ZNF773: variants seen among roughly 807,000 people sequenced by gnomAD.
ZNF773 encodes the protein zinc finger protein 419B.
ZNF773 carries 11 observed loss-of-function variants against 12.8 expected under a neutral mutation model. That is an observed-to-expected ratio of 0.86 (90% CI 0.54 to 1.42). The LOEUF is 1.42. Among genes scored for constraint, ZNF773 ranks in the 40% most tolerant of loss-of-function variants. The pLI, the probability that ZNF773 is intolerant of heterozygous loss-of-function variation, is 0.00. For missense variants in ZNF773, 518 were observed against 527.2 expected, an observed-to-expected ratio of 0.98 and a Z score of 0.17; for synonymous variants, 175 against 178.4, an observed-to-expected ratio of 0.98 and a Z score of 0.15.
chr19:57,511,738 T>TACAC (rs1491580065), downstream of ZNF773, among the ~76,000 whole-genome samples: 1 of 94,864 alleles, frequency 1.1e-5, no homozygotes, highest in East Asian at 2.5e-4. Flanking sequence ...CACACACACA[T>TACAC]ACACACATAC....
At chr19:57,517,391 C>T (rs1568585415), downstream of ZNF773, 1 of 152,172 alleles carries the variant, frequency 6.6e-6, no homozygotes, top group Admixed American at 6.5e-5. Context: ...TCTTATTCAG[C>T]TTACTCATCG....
chr19:57,511,937 A>G (rs1455702492), downstream of ZNF773, among the ~76,000 whole-genome samples: 1 of 152,244 alleles, frequency 6.6e-6, no homozygotes, highest in African/African-American at 2.4e-5. Context: ...GATTCCATTT[A>G]TATGAAATGA....
chr19:57,508,360 T>A, downstream of ZNF773: 2 of 457,200 alleles, frequency 4.4e-6, no homozygotes, highest in Non-Finnish European at 5.8e-6. Flanking sequence ...TTAATCTCAC[T>A]GAGTTTGGAG....
At position 57,506,679 on chromosome 19, in the gene ZNF773, A is replaced by G; in HGVS notation, c.584A>G (p.Glu195Gly). Residue 195 changes from glutamate (E) to glycine (G), a missense_variant, in exon 4 of 4, where the codon GAA (glutamate) becomes GGA (glycine). By Grantham distance (98) the Glu-to-Gly change is moderately conservative. Coordinates refer to ENST00000282292, the MANE Select transcript of ZNF773 (RefSeq NM_198542.3). Reference sequence around the variant, plus strand: ...GGAAAAAGGCATTACAAATGCAGTGAATGTGGGAAAGCCTTTGGTCAGAAA... The same window carrying G: ...GGAAAAAGGCATTACAAATGCAGTGGATGTGGGAAAGCCTTTGGTCAGAAA... The part of the protein sequence containing the change: ...HAGKRHYKCS[E>G]CGKAFGQKYL... 6.2e-7 allele frequency: 1 copy of G among 1,614,236 alleles called. No homozygotes were observed. The highest frequency in any genetic ancestry group is 8.5e-7 in the Non-Finnish European group (1 of 1,180,044).
At chr19:57,500,769 C>T (rs2089660490) in intron 1 of ZNF773, among the ~76,000 whole-genome samples, 1 of 152,076 alleles carries the variant, frequency 6.6e-6, no homozygotes, top group South Asian at 2.1e-4. Flanking sequence ...AGGTTTTGGG[C>T]ATGGTGATCC....
At chr19:57,502,010 T>C (rs947444174) in intron 1 of ZNF773, among the ~76,000 whole-genome samples, 4 of 152,154 alleles carry the variant, frequency 2.6e-5, no homozygotes, top group African/African-American at 9.7e-5. Context: ...TGGTACAATC[T>C]CGGCTCACCG....
chr19:57,512,819 A>G (rs970081029), downstream of ZNF773, among the ~76,000 whole-genome samples: 4 of 152,128 alleles, frequency 2.6e-5, no homozygotes, highest in African/African-American at 7.2e-5. Context: ...AGTCTGTTGT[A>G]TAAAGAAAGC....
chr19:57,503,801 G>A (rs1002311068), intron 1 of ZNF773, among the ~76,000 whole-genome samples: 2 of 152,052 alleles, frequency 1.3e-5, no homozygotes, highest in African/African-American at 4.8e-5. Flanking sequence ...GGGATTACAG[G>A]CATGCGCCAC....
At chr19:57,504,441 A>G (rs1190445379) in intron 1 of ZNF773, among the ~76,000 whole-genome samples, 1 of 152,132 alleles carries the variant, frequency 6.6e-6, no homozygotes. Flanking sequence ...AGGACTCTGC[A>G]TACCATGCCC....
downstream of ZNF773, chr19:57,508,266 T>C: frequency 8.2e-7 from 1 of 1,214,044 alleles, no homozygotes; most frequent in Non-Finnish European, 1.0e-6. Flanking sequence ...TCCTGATAGA[T>C]TGTTCCTCCT....
In ZNF773 at chr19:57,507,379, C is replaced by T. The variant is rs2123269113; in HGVS notation, c.1284C>T (p.Ser428=). The T allele has an allele frequency of 1.2e-6, 2 of 1,610,776 alleles. No individual in the cohort carries two copies. The highest frequency in any genetic ancestry group is 2.2e-5 in the South Asian group (2 of 90,292). ...RECGKFFRHS[S]SLVKHRRIHT... ...GTGGGAAATTTTTTCGCCACAGCTCCAGTCTTGTTAAACATCGAAGGATTC... is the reference window on the plus strand; with the variant it reads ...GTGGGAAATTTTTTCGCCACAGCTCTAGTCTTGTTAAACATCGAAGGATTC... Residue 428 remains serine, a synonymous_variant, in exon 4 of 4, where the codon TCC becomes TCT. Transcript: ENST00000282292.
intron 3 of ZNF773, 125 bp from the exon 4 acceptor site, chr19:57,506,233 C>G: frequency 1.4e-6 from 2 of 1,453,768 alleles, no homozygotes; most frequent in Non-Finnish European, 1.8e-6. Flanking sequence ...CCCCACCAAG[C>G]GCTAGCCCCC....
downstream of ZNF773, chr19:57,508,545 T>G: frequency 1.4e-6 from 1 of 701,360 alleles, no homozygotes; most frequent in South Asian, 1.5e-5. Flanking sequence ...GGTCGGCAAA[T>G]CTCCTCACTC....
At chr19:57,505,615 C>T (rs1203209447) in intron 3 of ZNF773, among the ~76,000 whole-genome samples, 1 of 152,106 alleles carries the variant, frequency 6.6e-6, no homozygotes, top group African/African-American at 2.4e-5. Flanking sequence ...ACCCCATCCT[C>T]AGCAGCACCT....
At position 57,504,741 on chromosome 19, in the gene ZNF773, T is replaced by A; in HGVS notation, c.118T>A (p.Tyr40Asn). 6.2e-7 allele frequency: 1 copy of A among 1,613,892 alleles called. No homozygotes were observed. The highest frequency in any genetic ancestry group is 8.5e-7 in the Non-Finnish European group (1 of 1,179,950). The change falls in exon 2 of 4, where the codon TAC (tyrosine) becomes AAC (asparagine). Residue 40 changes from tyrosine (Y) to asparagine (N), a missense_variant. Transcript: ENST00000282292. Reference sequence around the variant, plus strand: ...GCTTGATGACGCTCAGAGGCTCCTCTACCGCAATGTGATGCTGGAGAACTT... The same window carrying A: ...GCTTGATGACGCTCAGAGGCTCCTCAACCGCAATGTGATGCTGGAGAACTT... The part of the protein sequence containing the change: ...RLLDDAQRLL[Y>N]RNVMLENFTL...
At chr19:57,516,643 G>T (rs2089833877), downstream of ZNF773, 1 of 152,132 alleles carries the variant, frequency 6.6e-6, no homozygotes. Context: ...TACCTATTAG[G>T]CCTTAGCTCT....
In ZNF773 at chr19:57,507,534, A is replaced by T; in HGVS notation, c.*110A>T. On this transcript the variant is annotated 3_prime_UTR_variant, in exon 4 of 4. Coordinates refer to ENST00000282292, the MANE Select transcript of ZNF773 (RefSeq NM_198542.3). ...GGAAATCCATTAGCTATACCTCCAA[A>T]CTCATTCAACACTGGACAGTTCACA... 6.8e-7 allele frequency: 1 copy of T among 1,467,368 alleles called. No individual in the cohort carries two copies. Among genetic ancestry groups the T allele is most frequent in the Non-Finnish European group, 9.0e-7 (1 of 1,115,788 alleles). 90.9% of individuals were successfully genotyped at this position (1,467,368 alleles called of 1,614,324 possible). A position where few individuals can be genotyped will look rare whatever the true frequency, so the allele number is the denominator to read the frequency against.
intron 1 of ZNF773, 52 bp from the exon 2 acceptor site, chr19:57,504,605 C>G (rs1361379396): frequency 1.2e-6 from 2 of 1,605,118 alleles, no homozygotes; most frequent in African/African-American, 2.7e-5. Flanking sequence ...AGGGGGATGC[C>G]TAAATTCCCC....
chr19:57,508,662 C>T, downstream of ZNF773: 1 of 636,414 alleles, frequency 1.6e-6, no homozygotes, highest in Middle Eastern at 4.1e-4. Flanking sequence ...TTAGATTTTC[C>T]ATTTCTTCAT....
Sources: gnomAD v4.1 joint callset for allele counts (sites outside exome capture counted in the v4.1 genomes callset) on GRCh38, gnomAD v4.1.1 for gene constraint, MANE v1.5 for transcripts, NCBI Gene and HGNC (gene_info 2026-07-23, HGNC 2026-07-21) for gene names.